CCM2: variants seen among roughly 807,000 people sequenced by gnomAD.
CCM2 encodes the protein cerebral cavernous malformations 2 protein.
Under a neutral mutation model 44.9 loss-of-function variants are expected in CCM2, and 25 were observed. That is an observed-to-expected ratio of 0.56 (90% CI 0.41 to 0.78). The LOEUF (loss-of-function observed/expected upper bound fraction) is 0.78. Among genes scored for constraint, CCM2 ranks in the 30% least tolerant of loss-of-function variants. The probability of loss-of-function intolerance (pLI) is 0.00; values close to 1 mark genes in which losing one functional copy is unlikely to be tolerated. For synonymous variants in CCM2, 219 were observed against 241.1 expected (o/e 0.91, Z 0.85); for missense variants, 481 against 580.6 (o/e 0.83, Z 1.76).
intron 8 of CCM2, 22 bp downstream of exon 8, chr7:45,073,593 G>A (rs780091627): frequency 6.4e-6 from 10 of 1,559,530 alleles, no homozygotes; most frequent in Middle Eastern, 3.5e-4. Flanking sequence ...CTGCAGGGAC[G>A]CTGGGCTGCA....
chr7:45,039,823 T>G (rs571077839), intron 2 of CCM2, among the ~76,000 whole-genome samples: 719 of 151,756 alleles, frequency 4.7e-3, no homozygotes, highest in Non-Finnish European at 8.3e-3. Context: ...GGTCAGGAGT[T>G]CGAGAGCAGC....
chr7:45,007,477 A>T (rs1795892973), intron 1 of CCM2, among the ~76,000 whole-genome samples: 1 of 152,054 alleles, frequency 6.6e-6, no homozygotes, highest in Non-Finnish European at 1.5e-5. Flanking sequence ...AACCATTAGG[A>T]TTTTTTGTTT....
chr7:45,072,587 G>C, intron 6 of CCM2, 139 bp from the exon 7 acceptor site: 1 of 726,762 alleles, frequency 1.4e-6, no homozygotes, highest in Non-Finnish European at 2.5e-6. Flanking sequence ...CAGAGTGCGG[G>C]CAGCTTGATG....
At chr7:45,017,483 C>T (rs1398799221) in intron 1 of CCM2, among the ~76,000 whole-genome samples, 1 of 152,182 alleles carries the variant, frequency 6.6e-6, no homozygotes, top group Non-Finnish European at 1.5e-5. Flanking sequence ...TTTCCTATTG[C>T]TTATCCAGGA....
intron 2 of CCM2, among the ~76,000 whole-genome samples, chr7:45,059,995 G>C (rs1042167206): frequency 1.3e-5 from 2 of 152,108 alleles, no homozygotes; most frequent in Non-Finnish European, 2.9e-5. Context: ...TAATGTGTTA[G>C]AGCAATTAAA....
At chr7:45,000,825 C>T (rs1197193105) in intron 1 of CCM2, among the ~76,000 whole-genome samples, 1 of 152,182 alleles carries the variant, frequency 6.6e-6, no homozygotes, top group Non-Finnish European at 1.5e-5. Context: ...GACCTAAAAC[C>T]ATTGATTGAT....
intron 2 of CCM2, among the ~76,000 whole-genome samples, chr7:45,044,541 T>C (rs1797664531): frequency 6.6e-6 from 1 of 152,178 alleles, no homozygotes; most frequent in Non-Finnish European, 1.5e-5. Context: ...TTGCTGTAAG[T>C]TCCCCATCTT....
At chr7:45,041,856 C>G (rs1224690471) in intron 2 of CCM2, among the ~76,000 whole-genome samples, 1 of 152,130 alleles carries the variant, frequency 6.6e-6, no homozygotes, top group African/African-American at 2.4e-5. Context: ...TTCCTTCCAA[C>G]CAGGGAAGAA....
chr7:45,050,293 C>G (rs540512204), intron 2 of CCM2, among the ~76,000 whole-genome samples: 8 of 152,334 alleles, frequency 5.3e-5, no homozygotes, highest in African/African-American at 1.9e-4. Context: ...TAATTACACT[C>G]TGTGATGTTC....
chr7:45,022,160 G>A (rs1243514192), intron 1 of CCM2, among the ~76,000 whole-genome samples: 3 of 152,034 alleles, frequency 2.0e-5, no homozygotes, highest in Non-Finnish European at 2.9e-5. Context: ...CACAAAATCT[G>A]TACTTTGGAA....
chr7:45,046,199 T>C (rs1797747263), intron 2 of CCM2, among the ~76,000 whole-genome samples: 1 of 152,256 alleles, frequency 6.6e-6, no homozygotes, highest in South Asian at 2.1e-4. Flanking sequence ...TTTTTGTAGA[T>C]ATAAACAAGA....
At chr7:45,011,917 C>G (rs1181023634) in intron 1 of CCM2, among the ~76,000 whole-genome samples, 1 of 152,080 alleles carries the variant, frequency 6.6e-6, no homozygotes, top group Non-Finnish European at 1.5e-5. Flanking sequence ...CCAGGGTGGT[C>G]TTGGACACCT....
At chr7:45,072,371 T>C (rs1025915238) in intron 6 of CCM2, 14 of 413,978 alleles carry the variant, frequency 3.4e-5, no homozygotes, top group Middle Eastern at 7.6e-4. Flanking sequence ...AGGGGTGATA[T>C]ATGCCTGGGT....
intron 2 of CCM2, chr7:45,043,605 G>A (rs117677749): frequency 0.043 from 13,594 of 316,582 alleles, 493 homozygotes; most frequent in Admixed American, 0.1. Flanking sequence ...CTCCAGCCTG[G>A]GTGATGGGGT....
intron 1 of CCM2, among the ~76,000 whole-genome samples, chr7:45,025,723 G>A (rs911151676): frequency 2.6e-5 from 4 of 152,066 alleles, no homozygotes; most frequent in Admixed American, 1.3e-4. Context: ...TGGTAGAGAC[G>A]GGGTTTCTCC....
At chr7:45,065,117 T>G (rs1023244093) in intron 4 of CCM2, among the ~76,000 whole-genome samples, 6 of 142,888 alleles carry the variant, frequency 4.2e-5, no homozygotes, top group Non-Finnish European at 8.1e-5. Flanking sequence ...TTACTCTCTG[T>G]GTGTCCTTGC....
At chr7:45,005,248 A>G (rs1795799124) in intron 1 of CCM2, among the ~76,000 whole-genome samples, 2 of 152,210 alleles carry the variant, frequency 1.3e-5, no homozygotes, top group South Asian at 4.1e-4. Context: ...CGGCAACATA[A>G]GGCTGGTTAC....
Position 45,000,241 on chromosome 7 carries a change from G to C in CCM2, c.-93G>C. On this transcript the variant is annotated 5_prime_UTR_variant, in exon 1 of 10. Coordinates refer to ENST00000258781, the MANE Select transcript of CCM2 (RefSeq NM_031443.4). The stretch of plus-strand genomic sequence containing the variant: ...GGCTGGCGGGCGGCGCCGGGAGCGC[G>C]GGGGCGGCGGGCCCGGGTCGAGCAT... 1.2e-6 allele frequency: 1 copy of C among 804,978 alleles called. No individual in the cohort carries two copies. Among genetic ancestry groups the C allele is most frequent in the South Asian group, 5.5e-5 (1 of 18,196 alleles). 49.9% of individuals were successfully genotyped at this position (804,978 alleles called of 1,614,324 possible).
chr7:45,061,738 G>T (rs1192640852), intron 2 of CCM2, among the ~76,000 whole-genome samples: 1 of 152,110 alleles, frequency 6.6e-6, no homozygotes, highest in Non-Finnish European at 1.5e-5. Context: ...TGCCGCCTTG[G>T]CCATCCAAAG....
Sources: allele counts gnomAD v4.1 joint callset (sites outside exome capture counted in the v4.1 genomes callset), GRCh38; gene constraint gnomAD v4.1.1; transcripts MANE v1.5; gene names NCBI Gene and HGNC (gene_info 2026-07-23, HGNC 2026-07-21).